Variants in MTOR observed in about 807,000 individuals in gnomAD.
The protein encoded by MTOR is mechanistic target of rapamycin kinase, also known as serine/threonine-protein kinase mTOR.
Under a neutral mutation model 319.8 loss-of-function variants are expected in MTOR, and 70 were observed. The ratio of observed to expected loss-of-function variants is 0.22; its 90% CI spans 0.18 to 0.27. The LOEUF (loss-of-function observed/expected upper bound fraction) is 0.27, where lower values mean the gene tolerates loss of function less well. Among genes scored for constraint, MTOR ranks in the 10% least tolerant of loss-of-function variants. MTOR has a pLI of 1.00. For synonymous variants in MTOR, 1,183 were observed against 1,211.4 expected, an observed-to-expected ratio of 0.98 and a Z score of 0.49; for missense variants, 1,890 against 3,274.4, an observed-to-expected ratio of 0.58 and a Z score of 10.32.
At chr1:11,131,197 G>A in intron 38 of MTOR, 1 of 200,894 alleles carries the variant, frequency 5.0e-6, no homozygotes, top group Non-Finnish European at 1.0e-5. Context: ...AGAAGGGCAA[G>A]GAGGGAAACA....
intron 26 of MTOR, among the ~76,000 whole-genome samples, chr1:11,202,245 T>A (rs997749463): frequency 1.3e-5 from 2 of 151,918 alleles, no homozygotes; most frequent in Admixed American, 1.3e-4. Flanking sequence ...CTGGCTAACA[T>A]GGTGAAATCC....
In MTOR at chr1:11,138,140, C is replaced by T. The variant is rs183597411; in HGVS notation, c.5130+1164G>A. On this transcript the variant is annotated intron_variant, in intron 36 of 57. Coordinates refer to ENST00000361445, the MANE Select transcript of MTOR (RefSeq NM_004958.4). ...TGAGATATTACCCAAAAGACTTCTTCGGCCTGCCTTAGGCAAGACAGTCAA... is the reference window on the plus strand; with the variant it reads ...TGAGATATTACCCAAAAGACTTCTTTGGCCTGCCTTAGGCAAGACAGTCAA... 1.1e-3 allele frequency among the ~76,000 whole-genome samples: 174 copies of T among 152,284 alleles called. 4 individuals are homozygous for T. The East Asian group carries it at 0.017, about 15-fold the overall frequency.
intron 26 of MTOR, among the ~76,000 whole-genome samples, chr1:11,203,010 C>A (rs1646028421): frequency 6.6e-6 from 1 of 151,772 alleles, no homozygotes. Context: ...GTCAGGAGTT[C>A]AAGACCAGCC....
chr1:11,194,816 A>G, intron 28 of MTOR: 5 of 1,611,016 alleles, frequency 3.1e-6, no homozygotes, highest in Non-Finnish European at 4.2e-6. Flanking sequence ...GGTCTATCAC[A>G]GTCAACTTAC....
chr1:11,259,450 T>G (rs1650829894), intron 1 of MTOR, 27 bp from the exon 2 acceptor site: 4 of 1,514,328 alleles, frequency 2.6e-6, no homozygotes, highest in Non-Finnish European at 3.5e-6. Flanking sequence ...CCTTTAATAT[T>G]CTGGATAAGA....
chr1:11,220,874 T>C (rs1292005722), intron 19 of MTOR, among the ~76,000 whole-genome samples: 7 of 151,940 alleles, frequency 4.6e-5, no homozygotes, highest in Non-Finnish European at 1.0e-4. Flanking sequence ...TAGGAAATAA[T>C]AAAGGAAGGA....
rs186243848 is a variant in MTOR, at chr1:11,257,205, A to G, written c.272-40T>C. On this transcript the variant is annotated intron_variant, in intron 3 of 57. Coordinates refer to ENST00000361445, the MANE Select transcript of MTOR (RefSeq NM_004958.4). ...AAGGCAAAAGGTGATGATGGGGCGTATGCTGGCCAGGAAAGTACGCAGACT... is the reference window on the plus strand; with the variant it reads ...AAGGCAAAAGGTGATGATGGGGCGTGTGCTGGCCAGGAAAGTACGCAGACT... The G allele has an allele frequency of 7.9e-5, 122 of 1,547,294 alleles. No homozygotes were observed. The East Asian group carries it at 2.6e-3, about 33-fold the overall frequency.
At chr1:11,228,440 C>T (rs147560278) in intron 19 of MTOR, among the ~76,000 whole-genome samples, 109 of 152,198 alleles carry the variant, frequency 7.2e-4, no homozygotes, top group African/African-American at 2.5e-3. Flanking sequence ...CTGCCCACTT[C>T]GGCCTCCCAA....
intron 19 of MTOR, among the ~76,000 whole-genome samples, chr1:11,217,134 G>A (rs569842389): frequency 6.6e-6 from 1 of 152,238 alleles, no homozygotes; most frequent in Admixed American, 6.5e-5. Context: ...GTCTCTGAGA[G>A]ATTATGAGCC....
chr1:11,112,784 C>T (rs1641958550), intron 54 of MTOR, 68 bp downstream of exon 54: 1 of 1,536,738 alleles, frequency 6.5e-7, no homozygotes. Flanking sequence ...CCGACTGAAG[C>T]CCACCCCACT....
At chr1:11,175,619 G>A (rs950177991) in intron 28 of MTOR, among the ~76,000 whole-genome samples, 1 of 152,224 alleles carries the variant, frequency 6.6e-6, no homozygotes, top group Admixed American at 6.5e-5. Flanking sequence ...CTGAGCAGCG[G>A]GTGGTTCAGC....
chr1:11,194,878 C>T (rs148419594), intron 28 of MTOR: 1 of 1,614,064 alleles, frequency 6.2e-7, no homozygotes, highest in African/African-American at 1.3e-5. Context: ...AACTGCTGCA[C>T]AGACTCCAAC....
chr1:11,232,207 G>T (rs1647041563), intron 16 of MTOR, among the ~76,000 whole-genome samples: 1 of 152,176 alleles, frequency 6.6e-6, no homozygotes, highest in Non-Finnish European at 1.5e-5. Context: ...AGACAAAATG[G>T]CACTAGTCAG....
intron 12 of MTOR, 38 bp from the exon 13 acceptor site, chr1:11,238,086 A>G: frequency 6.3e-7 from 1 of 1,597,782 alleles, no homozygotes; most frequent in Non-Finnish European, 8.6e-7. Flanking sequence ...TTTCCTCATG[A>G]TCCCATCACT....
rs1641744788 is a variant in MTOR, at chr1:11,109,421, G to C, written c.7448-51C>G. On this transcript the variant is annotated intron_variant, in intron 55 of 57. Transcript: ENST00000361445. The surrounding 1 kb of genome is among the most constrained non-coding windows in gnomAD (Gnocchi z 4.0). ...CTGTAAGAATGGGAGCAATACAACA[G>C]GTTCAATGGGTGCCCTGTTTTTCTC... 1.3e-6 allele frequency: 2 copies of C among 1,512,762 alleles called. No individual in the cohort carries two copies. The highest frequency in any genetic ancestry group is 2.8e-5 in the African/African-American group (2 of 72,196). 93.7% of individuals were successfully genotyped at this position (1,512,762 alleles called of 1,614,324 possible). A position where few individuals can be genotyped will look rare whatever the true frequency, so the allele number is the denominator to read the frequency against.
chr1:11,188,079 G>C (rs1343506273), intron 28 of MTOR, among the ~76,000 whole-genome samples: 1 of 152,218 alleles, frequency 6.6e-6, no homozygotes, highest in Non-Finnish European at 1.5e-5. Flanking sequence ...GGGGGATTAT[G>C]GCATGGGAGG....
At position 11,127,537 on chromosome 1, in the gene MTOR, T is replaced by A; in HGVS notation, c.6216+87A>T. On this transcript the variant is annotated intron_variant, in intron 44 of 57. Transcript: ENST00000361445. This position sits in a 1 kb window ranked among gnomAD's most constrained non-coding sequence, Gnocchi z 5.5. ...AAAGGCCTTGGGTCACGTCCTTTCA[T>A]TCTATAAAAACTTTTCTCATTTCAT... is the stretch of plus-strand genomic sequence containing the variant. 6.8e-7 allele frequency: 1 copy of A among 1,470,792 alleles called. No homozygotes were observed. Among genetic ancestry groups the A allele is most frequent in the Non-Finnish European group, 9.1e-7 (1 of 1,094,972 alleles). 91.1% of individuals were successfully genotyped at this position (1,470,792 alleles called of 1,614,324 possible).
intron 53 of MTOR, 31 bp from the exon 54 acceptor site, chr1:11,112,948 T>G: frequency 6.3e-7 from 1 of 1,594,644 alleles, no homozygotes. Flanking sequence ...TATTGAAACA[T>G]GCTTCAAATT....
intron 28 of MTOR, among the ~76,000 whole-genome samples, chr1:11,193,946 G>T (rs1263166504): frequency 2.4e-5 from 1 of 41,878 alleles, no homozygotes; most frequent in Non-Finnish European, 3.8e-5. Flanking sequence ...TTTCCTTTCT[G>T]CAACCCCCCC....
Sources: allele counts gnomAD v4.1 joint callset (sites outside exome capture counted in the v4.1 genomes callset), GRCh38; gene constraint gnomAD v4.1.1; non-coding constraint Gnocchi (gnomAD v3.1); transcripts MANE v1.5; gene names NCBI Gene and HGNC (gene_info 2026-07-23, HGNC 2026-07-21).